CAP2: variants seen among roughly 807,000 people sequenced by gnomAD.
The protein encoded by CAP2 is adenylyl cyclase-associated protein 2.
CAP2 carries 24 observed loss-of-function variants against 57.7 expected under a neutral mutation model. The ratio of observed to expected loss-of-function variants is 0.42; its 90% confidence interval spans 0.30 to 0.58. The LOEUF (loss-of-function observed/expected upper bound fraction) is 0.58. CAP2 is among the 20% of genes least tolerant of loss of function. CAP2 has a pLI of 0.22. For missense variants in CAP2, 501 were observed against 590.3 expected (o/e 0.85, Z 1.57); for synonymous variants, 194 against 207.2 (o/e 0.94, Z 0.55).
At chr6:17,400,079 A>C (rs1758770746) in intron 1 of CAP2, among the ~76,000 whole-genome samples, 1 of 149,830 alleles carries the variant, frequency 6.7e-6, no homozygotes, top group Admixed American at 6.6e-5. Context: ...AAAAAAAATT[A>C]GCTGGGCATG....
chr6:17,547,561 A>G (rs1410349332), intron 11 of CAP2, among the ~76,000 whole-genome samples: 10 of 152,170 alleles, frequency 6.6e-5, no homozygotes, highest in Admixed American at 5.9e-4. Flanking sequence ...GTTCTAACTG[A>G]CCGGGCACGG....
intron 6 of CAP2, 104 bp downstream of exon 6, chr6:17,507,830 C>T (rs1034704936): frequency 1.5e-6 from 1 of 662,872 alleles, no homozygotes; most frequent in Admixed American, 2.4e-5. Flanking sequence ...CAAGGCTCTA[C>T]ACTAATGTAC....
intron 1 of CAP2, among the ~76,000 whole-genome samples, chr6:17,400,162 G>A (rs1385200312): frequency 6.6e-6 from 1 of 152,034 alleles, no homozygotes; most frequent in East Asian, 1.9e-4. Flanking sequence ...GGAGGCGGAG[G>A]TTGCAGTGAG....
chr6:17,534,640 T>C (rs1423363084), intron 7 of CAP2, among the ~76,000 whole-genome samples: 1 of 152,176 alleles, frequency 6.6e-6, no homozygotes, highest in Non-Finnish European at 1.5e-5. Context: ...TCCTGTGGGC[T>C]CTGCTGTCCC....
intron 7 of CAP2, among the ~76,000 whole-genome samples, chr6:17,524,828 C>G (rs963639157): frequency 2.0e-5 from 3 of 151,896 alleles, no homozygotes; most frequent in South Asian, 4.2e-4. Context: ...CAGCCCCAGT[C>G]AAGCCTGCCT....
At chr6:17,522,172 C>T (rs999731762) in intron 7 of CAP2, among the ~76,000 whole-genome samples, 1 of 152,068 alleles carries the variant, frequency 6.6e-6, no homozygotes, top group Non-Finnish European at 1.5e-5. Flanking sequence ...CCTCAGCCCT[C>T]CCAAATCACA....
chr6:17,539,068 T>G (rs572192742), intron 7 of CAP2, among the ~76,000 whole-genome samples: 2 of 152,288 alleles, frequency 1.3e-5, no homozygotes, highest in South Asian at 2.1e-4. Context: ...AGCTAAGTCA[T>G]GTTCCACTTT....
At chr6:17,395,481 G>A (rs1758642679) in intron 1 of CAP2, among the ~76,000 whole-genome samples, 2 of 152,146 alleles carry the variant, frequency 1.3e-5, no homozygotes, top group African/African-American at 4.8e-5. Flanking sequence ...AAGTAAGAGA[G>A]AAGGGAATGG....
chr6:17,517,765 G>A (rs1762303130), intron 7 of CAP2, among the ~76,000 whole-genome samples: 2 of 152,104 alleles, frequency 1.3e-5, no homozygotes, highest in Non-Finnish European at 2.9e-5. Context: ...GCCAGGCATG[G>A]TGGCGGGCAC....
chr6:17,505,880 C>T (rs2328107), intron 4 of CAP2, among the ~76,000 whole-genome samples: 108,535 of 151,622 alleles, frequency 0.72, 38,936 homozygotes, highest in East Asian at 0.74. Context: ...TTTTGTTTTT[C>T]ATTTCTTATT....
chr6:17,505,800 A>G (rs1761965542), intron 4 of CAP2, among the ~76,000 whole-genome samples: 1 of 152,216 alleles, frequency 6.6e-6, no homozygotes, highest in Non-Finnish European at 1.5e-5. Flanking sequence ...GTAGATGAGG[A>G]GATGTTTAAA....
intron 1 of CAP2, among the ~76,000 whole-genome samples, chr6:17,396,799 G>A (rs1365631118): frequency 6.6e-6 from 1 of 152,122 alleles, no homozygotes; most frequent in Non-Finnish European, 1.5e-5. Context: ...TTTAATGGGT[G>A]AATTGTGTGG....
chr6:17,425,602 G>A (rs927331220), intron 2 of CAP2, among the ~76,000 whole-genome samples: 1 of 152,148 alleles, frequency 6.6e-6, no homozygotes, highest in Non-Finnish European at 1.5e-5. Flanking sequence ...CTGGGTTCAG[G>A]TTTTGGATCT....
chr6:17,466,408 T>C (rs960276827), intron 4 of CAP2, among the ~76,000 whole-genome samples: 19 of 152,206 alleles, frequency 1.2e-4, no homozygotes, highest in African/African-American at 4.1e-4. Context: ...GGTTCTAAAA[T>C]GTTCCCAGGT....
rs143178379 is a variant in CAP2 at position 17,485,616 on chromosome 6, A to T, written c.301-21553A>T. Among the ~76,000 whole-genome samples, 486 of 152,308 alleles carry T rather than the reference A, an allele frequency of 3.2e-3. 5 individuals are homozygous for T. Among genetic ancestry groups the T allele is most frequent in the African/African-American group, 0.011 (443 of 41,568 alleles). ...TGATTTCCACTGACCCCAGAAAAGG[A>T]TTAATTGATAACTACAGGGGTTAGT... is the stretch of plus-strand genomic sequence containing the variant. On this transcript the variant is annotated intron_variant, in intron 4 of 12. Coordinates refer to ENST00000229922, the MANE Select transcript of CAP2 (RefSeq NM_006366.3).
At chr6:17,474,200 T>G (rs1306483547) in intron 4 of CAP2, among the ~76,000 whole-genome samples, 3 of 147,536 alleles carry the variant, frequency 2.0e-5, no homozygotes, top group African/African-American at 7.5e-5. Flanking sequence ...TTTTTTTTTT[T>G]TTTTTTTTTT....
At chr6:17,503,479 C>T (rs577494492) in intron 4 of CAP2, among the ~76,000 whole-genome samples, 1 of 152,004 alleles carries the variant, frequency 6.6e-6, no homozygotes, top group Admixed American at 6.6e-5. Context: ...TGGCGTGTGT[C>T]TGTAATCCCA....
chr6:17,412,969 A>G (rs1471271833), intron 1 of CAP2, among the ~76,000 whole-genome samples: 2 of 152,102 alleles, frequency 1.3e-5, no homozygotes, highest in Admixed American at 6.5e-5. Flanking sequence ...GCTAGGAAGA[A>G]CCTTAGAGGC....
At chr6:17,474,093 C>A (rs1171915649) in intron 4 of CAP2, among the ~76,000 whole-genome samples, 3 of 151,118 alleles carry the variant, frequency 2.0e-5, no homozygotes, top group African/African-American at 4.9e-5. Context: ...TACCATTTTC[C>A]ATTTTTTAGC....
Sources: gnomAD v4.1 joint callset for allele counts (sites outside exome capture counted in the v4.1 genomes callset) on GRCh38, gnomAD v4.1.1 for gene constraint, MANE v1.5 for transcripts, NCBI Gene and HGNC (gene_info 2026-07-23, HGNC 2026-07-21) for gene names.